The following LRRC7 variants were observed in gnomAD, a reference collection of about 807,000 sequenced individuals.
The protein encoded by LRRC7 is leucine rich repeat containing 7, also known as leucine-rich repeat-containing protein 7.
A neutral mutation model predicts 175.7 loss-of-function variants in LRRC7; 23 were observed. The ratio of observed to expected loss-of-function variants is 0.13; its 90% CI spans 0.09 to 0.19. The LOEUF (loss-of-function observed/expected upper bound fraction) is 0.19. LRRC7 is among the 10% of genes least tolerant of loss of function. LRRC7 has a pLI of 1.00. For synonymous variants in LRRC7, 685 were observed against 680.9 expected (o/e 1.01, Z -0.09); for missense variants, 1,354 against 1,904.7 (o/e 0.71, Z 5.38).
rs145800261 is a variant in LRRC7, at chr1:69,853,795, G to C, written c.647+15512G>C. Reference sequence around the variant, plus strand: ...CTTTTATAATAACAATGAGAAATCTGAAATCCTTGCTTCGGTTGTAATTCA... The same window carrying C: ...CTTTTATAATAACAATGAGAAATCTCAAATCCTTGCTTCGGTTGTAATTCA... On this transcript the variant is annotated intron_variant, in intron 7 of 26. Coordinates refer to ENST00000651989, the MANE Select transcript of LRRC7 (RefSeq NM_001370785.2). Among the ~76,000 whole-genome samples, 598 of 152,172 alleles carry C rather than the reference G, an allele frequency of 3.9e-3. 3 individuals carry two copies. The highest frequency in any genetic ancestry group is 0.013 in the African/African-American group (554 of 41,528).
chr1:69,633,964 T>C (rs1245040), intron 1 of LRRC7, among the ~76,000 whole-genome samples: 19,496 of 152,064 alleles, frequency 0.13, 1,592 homozygotes, highest in South Asian at 0.19. Context: ...AGTGTGACCC[T>C]TATAAATAGC....
rs115387688 is a variant in LRRC7, at chr1:69,940,220, T to C, written c.711+8650T>C. ...TTTATCAATGCAACATCTCTTGACCTATGGCTTTAATAAGCAGACTCCACT... is the reference window on the plus strand; with the variant it reads ...TTTATCAATGCAACATCTCTTGACCCATGGCTTTAATAAGCAGACTCCACT... On this transcript the variant is annotated intron_variant, in intron 8 of 26. Coordinates refer to ENST00000651989, the MANE Select transcript of LRRC7 (RefSeq NM_001370785.2). 5.3e-3 allele frequency among the ~76,000 whole-genome samples: 813 copies of C among 152,260 alleles called. 7 individuals carry two copies. The highest frequency in any genetic ancestry group is 0.019 in the African/African-American group (772 of 41,574).
At chr1:70,015,082 T>C (rs1656848017) in intron 13 of LRRC7, among the ~76,000 whole-genome samples, 1 of 152,080 alleles carries the variant, frequency 6.6e-6, no homozygotes, top group Admixed American at 6.6e-5. Context: ...CTTAAGTGAA[T>C]TGAAATAACT....
chr1:69,783,938 A>T (rs1271196163), intron 3 of LRRC7, among the ~76,000 whole-genome samples: 2 of 152,138 alleles, frequency 1.3e-5, no homozygotes, highest in Non-Finnish European at 2.9e-5. Context: ...GCACTAGCAG[A>T]TGTATATTAG....
intron 7 of LRRC7, among the ~76,000 whole-genome samples, chr1:69,895,643 T>C (rs1645959125): frequency 6.6e-6 from 1 of 152,216 alleles, no homozygotes; most frequent in Non-Finnish European, 1.5e-5. Context: ...TCTATCACTA[T>C]AGATGAGTCT....
intron 2 of LRRC7, among the ~76,000 whole-genome samples, chr1:69,686,000 A>G (rs1186275952): frequency 2.6e-5 from 4 of 152,184 alleles, no homozygotes; most frequent in South Asian, 2.1e-4. Flanking sequence ...AACACATTAC[A>G]TATAAAGGAA....
In LRRC7 at chr1:70,123,562, T is replaced by A. The variant is rs1244990502; in HGVS notation, c.*1675T>A. 1 of 152,206 alleles carries A rather than the reference T, an allele frequency of 6.6e-6. No homozygotes were observed. The highest frequency in any genetic ancestry group is 1.5e-5 in the Non-Finnish European group (1 of 68,010). The allele number at this position is 152,206 out of a possible 1,614,324, so 9.4% of individuals were successfully genotyped here. A position where few individuals can be genotyped will look rare whatever the true frequency, so the allele number is the denominator to read the frequency against. On this transcript the variant is annotated 3_prime_UTR_variant, in exon 27 of 27. Coordinates refer to ENST00000651989, the MANE Select transcript of LRRC7 (RefSeq NM_001370785.2). ...ATACTTCACTTTATAGATGATGCAC[T>A]AATTTTGATGTTGCTTTATGTCAGG...
intron 8 of LRRC7, among the ~76,000 whole-genome samples, chr1:69,979,171 G>C (rs949466071): frequency 1.3e-5 from 2 of 152,172 alleles, no homozygotes; most frequent in South Asian, 4.1e-4. Context: ...TCCCATCCTG[G>C]ATCAATCTCT....
intron 1 of LRRC7, among the ~76,000 whole-genome samples, chr1:69,620,475 G>C (rs1440228140): frequency 6.6e-6 from 1 of 152,162 alleles, no homozygotes; most frequent in East Asian, 1.9e-4. Context: ...AGTATTACAA[G>C]TGCAGGTTTT....
intron 25 of LRRC7, among the ~76,000 whole-genome samples, chr1:70,102,919 G>GA (rs1173471601): frequency 5.3e-5 from 8 of 152,016 alleles, no homozygotes; most frequent in African/African-American, 1.2e-4. Flanking sequence ...GTGGTAGACA[G>GA]AAAAAATGGC....
intron 7 of LRRC7, among the ~76,000 whole-genome samples, chr1:69,928,408 C>T (rs188436627): frequency 2.0e-5 from 3 of 152,338 alleles, no homozygotes; most frequent in South Asian, 2.1e-4. Context: ...CTGCCCCCAG[C>T]GGTGGAGCCT....
chr1:69,780,878 T>G (rs1447952929), intron 3 of LRRC7, among the ~76,000 whole-genome samples: 4 of 152,168 alleles, frequency 2.6e-5, no homozygotes, highest in African/African-American at 7.2e-5. Context: ...TCAATAAGCC[T>G]CTCACTGAAT....
intron 23 of LRRC7, among the ~76,000 whole-genome samples, chr1:70,075,327 TCAA>T (rs1203903093): frequency 2.0e-5 from 3 of 151,472 alleles, no homozygotes; most frequent in Non-Finnish European, 4.4e-5. Flanking sequence ...AAAACAGGAG[TCAA>T]CAAAGAAGTA....
rs1381834851 is a variant in LRRC7, at chr1:70,142,608, C to CTGTT, written c.*20725_*20728dup. The CTGTT allele has an allele frequency of 6.6e-6, 1 of 151,968 alleles. No individual in the cohort carries two copies. Among genetic ancestry groups the CTGTT allele is most frequent in the Non-Finnish European group, 1.5e-5 (1 of 67,934 alleles). The allele number at this position is 151,968 out of a possible 1,614,324, so 9.4% of individuals were successfully genotyped here. A position where few individuals can be genotyped will look rare whatever the true frequency, so the allele number is the denominator to read the frequency against. Reference sequence around the variant, plus strand: ...AAATTAGAAGTAAATCTACCAAATTCTGTTTGTAAATTTTAAAGACCACCA... The same window carrying CTGTT: ...AAATTAGAAGTAAATCTACCAAATTCTGTTTGTTTGTAAATTTTAAAGACCACCA... On this transcript the variant is annotated 3_prime_UTR_variant, in exon 27 of 27. Transcript: ENST00000651989.
chr1:69,872,679 A>T (rs1164977646), intron 7 of LRRC7, among the ~76,000 whole-genome samples: 1 of 152,086 alleles, frequency 6.6e-6, no homozygotes. Context: ...ACATATTTTC[A>T]TTAAAACATG....
chr1:69,689,115 A>G (rs1366492124), intron 2 of LRRC7, among the ~76,000 whole-genome samples: 1 of 152,098 alleles, frequency 6.6e-6, no homozygotes, highest in Non-Finnish European at 1.5e-5. Context: ...CATTGTCATC[A>G]TCTTCAGTTT....
chr1:70,023,471 A>G (rs1657736450), intron 17 of LRRC7, 97 bp downstream of exon 17: 9 of 1,258,582 alleles, frequency 7.2e-6, no homozygotes, highest in Non-Finnish European at 2.1e-6. Context: ...GGGGTAAGAA[A>G]TGTTGATCAC....
intron 24 of LRRC7, among the ~76,000 whole-genome samples, chr1:70,081,356 T>C (rs899250239): frequency 2.0e-5 from 3 of 152,216 alleles, no homozygotes; most frequent in East Asian, 3.8e-4. Flanking sequence ...AATAAGTAGA[T>C]AGTATAGATG....
intron 4 of LRRC7, among the ~76,000 whole-genome samples, chr1:69,806,218 T>C (rs1677101135): frequency 6.6e-6 from 1 of 151,830 alleles, no homozygotes; most frequent in South Asian, 2.1e-4. Flanking sequence ...GAAGGAAAAA[T>C]TCATTTGTCG....
Sources: gnomAD v4.1 joint callset for allele counts (sites outside exome capture counted in the v4.1 genomes callset) on GRCh38, gnomAD v4.1.1 for gene constraint, MANE v1.5 for transcripts, NCBI Gene and HGNC (gene_info 2026-07-23, HGNC 2026-07-21) for gene names.